Variants in IGDCC4 observed in about 807,000 individuals in gnomAD.
IGDCC4 encodes likely ortholog of mouse neighbor of Punc E11.
IGDCC4 carries 72 observed loss-of-function variants against 116.6 expected under a neutral mutation model. The observed-to-expected ratio is 0.62, with a 90% CI of 0.51 to 0.75. The LOEUF is 0.75. Ranked by LOEUF, IGDCC4 falls within the 30% of genes least tolerant of loss-of-function variation. IGDCC4 has a pLI of 0.00. For synonymous variants in IGDCC4, 709 were observed against 719.9 expected, an observed-to-expected ratio of 0.98 and a Z score of 0.24; for missense variants, 1,501 against 1,662.4, an observed-to-expected ratio of 0.90 and a Z score of 1.69.
rs1205126692 is a variant in IGDCC4, at chr15:65,396,780, C to G, written c.997+54G>C. Reference sequence around the variant, plus strand: ...ACCCACCCGTCCACCTCCCCCTGCTCTATTCACCCCAGCCCCAGCTAACCC... The same window carrying G: ...ACCCACCCGTCCACCTCCCCCTGCTGTATTCACCCCAGCCCCAGCTAACCC... On this transcript the variant is annotated intron_variant, in intron 6 of 19. Coordinates refer to ENST00000352385, the MANE Select transcript of IGDCC4 (RefSeq NM_020962.3). 6.5e-6 allele frequency: 10 copies of G among 1,539,562 alleles called. No homozygotes were observed. The Middle Eastern group carries it at 1.0e-3, about 155-fold the overall frequency.
In IGDCC4 at chr15:65,393,526, T is replaced by C. The variant is rs2062888203; in HGVS notation, c.1720A>G (p.Ile574Val). The change falls in exon 10 of 20, where the codon ATT becomes GTT. Residue 574 changes from isoleucine to valine, a missense_variant. Physicochemically the swap from Ile to Val is conservative, Grantham distance 29. Around this residue, in one of 3 missense-constraint regions of IGDCC4, gnomAD observed 898 missense variants for 978.9 expected, o/e 0.92. Transcript: ENST00000352385. This position sits in a 1 kb window ranked among gnomAD's most constrained non-coding sequence, Gnocchi z 4.6. ...IEYGLGKEDQ[I>V]FSTEVRGNET... is the part of the protein sequence containing the mutation. ...TTTCCTCGCACCTCAGTAGAGAAAA[T>C]CTGATCTGCAGGGACAGAAAAGGTG... 1 of 1,597,632 alleles carries C rather than the reference T, an allele frequency of 6.3e-7. No individual in the cohort carries two copies. Among genetic ancestry groups the C allele is most frequent in the African/African-American group, 1.3e-5 (1 of 74,584 alleles).
At chr15:65,421,895 T>C (rs2063194918) in intron 1 of IGDCC4, among the ~76,000 whole-genome samples, 1 of 151,790 alleles carries the variant, frequency 6.6e-6, no homozygotes, top group African/African-American at 2.4e-5. Flanking sequence ...CCTTGGGGAC[T>C]TCGCTATCCC....
chr15:65,395,280 G>T, intron 7 of IGDCC4, 22 bp from the exon 8 acceptor site: 1 of 1,598,628 alleles, frequency 6.3e-7, no homozygotes, highest in East Asian at 2.2e-5. Flanking sequence ...GGGGACAAGG[G>T]GACTGTCATA....
In IGDCC4 at chr15:65,392,182, G is replaced by T. The variant is rs1403762538; in HGVS notation, c.2074C>A (p.Pro692Thr). 6.2e-7 allele frequency: 1 copy of T among 1,613,744 alleles called. No individual in the cohort carries two copies. The highest frequency in any genetic ancestry group is 1.7e-5 in the Admixed American group (1 of 59,976). Reference protein sequence around the residue: ...GRGDQAWDVGPVRLKKKVKQY... With the variant: ...GRGDQAWDVGTVRLKKKVKQY... ...TTCACTTTCTTCTTGAGCCGGACAGGCCCCACATCCCAAGCCTGGTCTCCA... is the reference window on the plus strand; with the variant it reads ...TTCACTTTCTTCTTGAGCCGGACAGTCCCCACATCCCAAGCCTGGTCTCCA... Residue 692 changes from proline (P) to threonine (T), a missense_variant, in exon 11 of 20, where the codon CCT becomes ACT. Physicochemically the swap from Pro to Thr is conservative, Grantham distance 38. Coordinates refer to ENST00000352385, the MANE Select transcript of IGDCC4 (RefSeq NM_020962.3).
chr15:65,415,823 T>G (rs1487127739), intron 1 of IGDCC4, among the ~76,000 whole-genome samples: 3 of 152,148 alleles, frequency 2.0e-5, no homozygotes, highest in Non-Finnish European at 4.4e-5. Flanking sequence ...TGCCAGCCCT[T>G]CTGTGAGGCT....
In IGDCC4 at chr15:65,395,092, A is replaced by G. The variant is rs755604251; in HGVS notation, c.1576+2T>C. The G allele has an allele frequency of 1.9e-6, 3 of 1,602,042 alleles. No homozygotes were observed. The highest frequency in any genetic ancestry group is 1.3e-5 in the African/African-American group (1 of 74,852). On this transcript the variant is annotated splice_donor_variant, in intron 8 of 19. Transcript: ENST00000352385. LOFTEE classifies it high-confidence loss of function. ...TGCCCACTGCGAGTTCAGAGGCCCT[A>G]CCATCATCCAGTGTGTGCACCAGTG... is the stretch of plus-strand genomic sequence containing the variant.
intron 3 of IGDCC4, among the ~76,000 whole-genome samples, chr15:65,404,711 A>G (rs969349703): frequency 3.9e-5 from 6 of 152,186 alleles, no homozygotes; most frequent in Non-Finnish European, 7.3e-5. Flanking sequence ...GAATGAATGA[A>G]TTCCTTTCCC....
In IGDCC4 at chr15:65,384,869, G is replaced by A; in HGVS notation, c.3342+85C>T. 5 of 1,496,626 alleles carry A rather than the reference G, an allele frequency of 3.3e-6. No homozygotes were observed. Among genetic ancestry groups the A allele is most frequent in the African/African-American group, 1.4e-5 (1 of 69,906 alleles). The allele number at this position is 1,496,626 out of a possible 1,614,324, so 92.7% of individuals were successfully genotyped here. ...TATCCCCAGGAAAGTTACCACCCAG[G>A]GGTCTCCAGAGAACTCATTACTTCC... On this transcript the variant is annotated intron_variant, in intron 19 of 19. Coordinates refer to ENST00000352385, the MANE Select transcript of IGDCC4 (RefSeq NM_020962.3). This position sits in a 1 kb window ranked among gnomAD's most constrained non-coding sequence, Gnocchi z 4.9.
At position 65,386,557 on chromosome 15, in the gene IGDCC4, G is replaced by A. The variant is rs769391387; in HGVS notation, c.2945C>T (p.Pro982Leu). 8.1e-6 allele frequency: 13 copies of A among 1,600,070 alleles called. No homozygotes were observed. The East Asian group carries it at 2.9e-4, about 36-fold the overall frequency. ...GACTGGCTCCCCTGCTCACCTGTGGGGGCTGCGGCGCAGGCCAGCACACAT... is the reference window on the plus strand; with the variant it reads ...GACTGGCTCCCCTGCTCACCTGTGGAGGCTGCGGCGCAGGCCAGCACACAT... ...ACMCAGLRRSPHRESLPGLSS... is the reference protein window; with the variant it reads ...ACMCAGLRRSLHRESLPGLSS... Residue 982 changes from proline to leucine, a missense_variant, in exon 17 of 20, where the codon CCC (proline) becomes CTC (leucine). Transcript: ENST00000352385.
intron 1 of IGDCC4, among the ~76,000 whole-genome samples, chr15:65,415,241 C>T (rs917123498): frequency 6.6e-6 from 1 of 152,238 alleles, no homozygotes; most frequent in Non-Finnish European, 1.5e-5. Context: ...CTCCGGCAGC[C>T]TCCCTGCCCC....
chr15:65,402,624 T>C, intron 3 of IGDCC4, 137 bp from the exon 4 acceptor site: 1 of 1,177,938 alleles, frequency 8.5e-7, no homozygotes, highest in Non-Finnish European at 1.2e-6. Context: ...ATCCCAGCAC[T>C]TTGGGAGGCG....
At position 65,383,597 on chromosome 15, in the gene IGDCC4, ACT is replaced by A. The variant is rs573182725; in HGVS notation, c.*410_*411del. 60 of 160,234 alleles carry A rather than the reference ACT, an allele frequency of 3.7e-4. 3 individuals carry two copies. The East Asian group carries it at 0.011, about 29-fold the overall frequency. The allele number at this position is 160,234 out of a possible 1,614,324, so 9.9% of individuals were successfully genotyped here. A position where few individuals can be genotyped will look rare whatever the true frequency, so the allele number is the denominator to read the frequency against. On this transcript the variant is annotated 3_prime_UTR_variant, in exon 20 of 20. Coordinates refer to ENST00000352385, the MANE Select transcript of IGDCC4 (RefSeq NM_020962.3). ...TCTTTGTCAGACAGGCATTGGAGAC[ACT>A]CTCAGAGTGTGTAATAAAAGGCTGG...
chr15:65,388,205 T>C (rs1433938172), intron 16 of IGDCC4, among the ~76,000 whole-genome samples: 2 of 151,004 alleles, frequency 1.3e-5, no homozygotes, highest in African/African-American at 2.4e-5. Flanking sequence ...GATTGCGCCA[T>C]TGCACTCTAG....
intron 5 of IGDCC4, among the ~76,000 whole-genome samples, chr15:65,397,798 C>T (rs931674027): frequency 6.6e-6 from 1 of 152,090 alleles, no homozygotes; most frequent in African/African-American, 2.4e-5. Flanking sequence ...GCCTTGAAGC[C>T]AAGGATTCCA....
chr15:65,411,237 G>C lies in IGDCC4; in HGVS notation c.204C>G (p.Thr68=), dbSNP rs149164380. Residue 68 remains threonine (T), a synonymous_variant, in exon 2 of 20, where the codon ACC becomes ACG. Transcript: ENST00000352385. ...SLGAAAAGPP[T]RVTWSKDGDT... ...CCCCATCCTTGCTCCAGGTCACCCT[G>C]GTGGGGGGTCCAGCGGCAGCAGCCC... 6.2e-7 allele frequency: 1 copy of C among 1,614,134 alleles called. No homozygotes were observed. Among genetic ancestry groups the C allele is most frequent in the East Asian group, 2.2e-5 (1 of 44,880 alleles).
chr15:65,390,470 CCT>C, intron 12 of IGDCC4, 132 bp from the exon 13 acceptor site: 1 of 652,742 alleles, frequency 1.5e-6, no homozygotes, highest in Non-Finnish European at 2.3e-6. Context: ...TGGCATCATT[CCT>C]ACTTCACAGA....
At position 65,382,285 on chromosome 15, in the gene IGDCC4, A is replaced by AG. The variant is rs1250039341; in HGVS notation, c.*1723dup. 1 of 151,960 alleles carries AG rather than the reference A, an allele frequency of 6.6e-6. No individual in the cohort carries two copies. Among genetic ancestry groups the AG allele is most frequent in the Non-Finnish European group, 1.5e-5 (1 of 67,984 alleles). The allele number at this position is 151,960 out of a possible 1,614,324, so 9.4% of individuals were successfully genotyped here. A position where few individuals can be genotyped will look rare whatever the true frequency, so the allele number is the denominator to read the frequency against. On this transcript the variant is annotated 3_prime_UTR_variant, in exon 20 of 20. Transcript: ENST00000352385. Reference sequence around the variant, plus strand: ...AGTGTTATCATAGGCTGGCTGAAGGAGGGGGAGGAGGTGGAAACGTAGGTG... The same window carrying AG: ...AGTGTTATCATAGGCTGGCTGAAGGAGGGGGGAGGAGGTGGAAACGTAGGTG...
intron 1 of IGDCC4, 105 bp from the exon 2 acceptor site, chr15:65,411,475 C>T: frequency 1.1e-6 from 1 of 907,304 alleles, no homozygotes; most frequent in Non-Finnish European, 1.6e-6. Flanking sequence ...CAAGGAGAAA[C>T]ACCTGCATCT....
At chr15:65,422,627 C>T (rs2063203747) in intron 1 of IGDCC4, among the ~76,000 whole-genome samples, 166 bp downstream of exon 1, 2 of 152,026 alleles carry the variant, frequency 1.3e-5, no homozygotes, top group South Asian at 4.1e-4. Flanking sequence ...CGCCCCCCGG[C>T]CGCAGCTCGC....
Sources: allele counts gnomAD v4.1 joint callset (sites outside exome capture counted in the v4.1 genomes callset), GRCh38; gene constraint gnomAD v4.1.1; regional missense constraint gnomAD v4.1.1; non-coding constraint Gnocchi (gnomAD v3.1); transcripts MANE v1.5; gene names NCBI Gene and HGNC (gene_info 2026-07-23, HGNC 2026-07-21).